The following ZNF438 variants were observed in gnomAD, a reference collection of about 807,000 sequenced individuals.
ZNF438 encodes zinc finger protein 438.
Under a neutral mutation model 38.0 loss-of-function variants are expected in ZNF438, and 25 were observed. The ratio of observed to expected loss-of-function variants is 0.66; its 90% confidence interval spans 0.48 to 0.92. The LOEUF (loss-of-function observed/expected upper bound fraction) is 0.92. Among genes scored for constraint, ZNF438 ranks in the 40% least tolerant of loss-of-function variants. The pLI, the probability that ZNF438 is intolerant of heterozygous loss-of-function variation, is 0.00. For missense variants in ZNF438, 1,007 were observed against 999.6 expected (o/e 1.01, Z -0.10); for synonymous variants, 372 against 364.1 (o/e 1.02, Z -0.25).
At chr10:30,943,323 G>T (rs2047018275) in intron 1 of ZNF438, among the ~76,000 whole-genome samples, 1 of 152,026 alleles carries the variant, frequency 6.6e-6, no homozygotes, top group Non-Finnish European at 1.5e-5. Flanking sequence ...TAAAGTTGAG[G>T]GAATTCAGAC....
intron 2 of ZNF438, among the ~76,000 whole-genome samples, chr10:30,916,730 T>C (rs1157934699): frequency 2.6e-5 from 4 of 152,124 alleles, no homozygotes; most frequent in East Asian, 1.9e-4. Flanking sequence ...CTCTTATTGA[T>C]GGATATCTGA....
chr10:31,015,692 G>A (rs1435376105), intron 1 of ZNF438, among the ~76,000 whole-genome samples: 2 of 152,176 alleles, frequency 1.3e-5, no homozygotes, highest in Non-Finnish European at 2.9e-5. Context: ...AAACTTGAAA[G>A]CAATCTAAAT....
intron 3 of ZNF438, among the ~76,000 whole-genome samples, chr10:30,878,148 A>G (rs970368264): frequency 2.6e-5 from 4 of 152,214 alleles, no homozygotes; most frequent in African/African-American, 9.6e-5. Flanking sequence ...CTGCTGCCCA[A>G]GGTGAGAACT....
intron 2 of ZNF438, among the ~76,000 whole-genome samples, chr10:30,923,083 C>G (rs1016910982): frequency 6.6e-6 from 1 of 152,120 alleles, no homozygotes; most frequent in Admixed American, 6.5e-5. Flanking sequence ...CAGTCCTTTG[C>G]TTTCTACAAA....
chr10:30,977,596 GC>G (rs2136342793), intron 1 of ZNF438, among the ~76,000 whole-genome samples: 1 of 152,280 alleles, frequency 6.6e-6, no homozygotes, highest in East Asian at 1.9e-4. Context: ...TAGTCACACA[GC>G]CACATGTTGC....
chr10:30,934,602 A>G (rs557358817), intron 2 of ZNF438, among the ~76,000 whole-genome samples: 3 of 152,388 alleles, frequency 2.0e-5, no homozygotes, highest in Admixed American at 1.3e-4. Flanking sequence ...ATTTTTGAAA[A>G]GCAGTTTTGT....
intron 1 of ZNF438, among the ~76,000 whole-genome samples, chr10:30,979,617 C>T (rs1259944307): frequency 6.6e-6 from 1 of 152,212 alleles, no homozygotes; most frequent in Non-Finnish European, 1.5e-5. Flanking sequence ...CATGCATCTA[C>T]AACCATCTGA....
In ZNF438 at chr10:30,882,830, T is replaced by C. The variant is rs573609064; in HGVS notation, c.-31-5765A>G. Among the ~76,000 whole-genome samples, 3 of 152,368 alleles carry C rather than the reference T, an allele frequency of 2.0e-5. No homozygotes were observed. In the East Asian group the frequency reaches 5.8e-4, roughly 29 times the overall value. Reference sequence around the variant, plus strand: ...TATATCAAAATTTATCTCATTGTACTTTAAATATATGCAATTGACTGTATG... The same window carrying C: ...TATATCAAAATTTATCTCATTGTACCTTAAATATATGCAATTGACTGTATG... On this transcript the variant is annotated intron_variant, in intron 3 of 5. Coordinates refer to ENST00000413025, the Ensembl canonical transcript of ZNF438.
chr10:30,995,354 T>C (rs192184191), intron 1 of ZNF438, among the ~76,000 whole-genome samples: 5 of 152,348 alleles, frequency 3.3e-5, no homozygotes, highest in Non-Finnish European at 7.3e-5. Flanking sequence ...TGGAATTAAA[T>C]ATTCAAAGTA....
chr10:30,857,757 C>T (rs1337768269), intron 4 of ZNF438: 11 of 1,453,226 alleles, frequency 7.6e-6, no homozygotes, highest in Non-Finnish European at 1.0e-5. Context: ...CCTCCTCCTC[C>T]ATTGCCATCA....
intron 2 of ZNF438, chr10:30,923,192 T>C (rs1055629438): frequency 1.3e-5 from 2 of 152,200 alleles, no homozygotes; most frequent in Non-Finnish European, 2.9e-5. Flanking sequence ...GCAAAGTTAA[T>C]AGGTGATGCA....
At chr10:30,935,978 T>C (rs2046212756) in intron 2 of ZNF438, among the ~76,000 whole-genome samples, 1 of 152,148 alleles carries the variant, frequency 6.6e-6, no homozygotes, top group Non-Finnish European at 1.5e-5. Context: ...AGCCAAACCA[T>C]ATCAGAGGGG....
exon 5 of ZNF438, chr10:30,850,218 T>A (rs772570316): frequency 6.2e-7 from 1 of 1,614,130 alleles, no homozygotes; most frequent in South Asian, 1.1e-5. Flanking sequence ...GGTCCCAGAT[T>A]CACCTGATCA....
In ZNF438 at chr10:30,849,774, GGGTGTTGGTCACT is replaced by G; in HGVS notation, c.618_630del (p.Val207MetfsTer4). ...GTAGCAGGAGGGTTCAGACTGCCAT[GGGTGTTGGTCACT>G]GGTGGTCTCAAGTCCCCATGGTCAC... On this transcript the variant is annotated frameshift_variant, in exon 5 of 6. Transcript: ENST00000413025. LOFTEE classifies it high-confidence loss of function. The G allele has an allele frequency of 6.2e-7, 1 of 1,614,216 alleles. No individual in the cohort carries two copies. Among genetic ancestry groups the G allele is most frequent in the Non-Finnish European group, 8.5e-7 (1 of 1,180,036 alleles).
At chr10:30,968,434 C>CT (rs546132410) in intron 1 of ZNF438, among the ~76,000 whole-genome samples, 2,041 of 103,640 alleles carry the variant, frequency 0.02, 194 homozygotes, top group African/African-American at 0.034. Flanking sequence ...TGAATGTAAA[C>CT]TTTTTTTTTT....
intron 1 of ZNF438, among the ~76,000 whole-genome samples, chr10:30,953,574 C>T (rs1589397240): frequency 6.6e-6 from 1 of 150,914 alleles, no homozygotes; most frequent in Non-Finnish European, 1.5e-5. Flanking sequence ...ATGTAAGAAT[C>T]AATTATACAT....
chr10:30,850,465 T>G (rs1306071877), intron 4 of ZNF438, 98 bp from the exon 6 acceptor site: 3 of 1,369,316 alleles, frequency 2.2e-6, no homozygotes, highest in Non-Finnish European at 2.9e-6. Flanking sequence ...CCAGAACAGA[T>G]TCCTTGACCT....
At chr10:30,906,572 T>G (rs1409204384) in intron 3 of ZNF438, among the ~76,000 whole-genome samples, 2 of 152,224 alleles carry the variant, frequency 1.3e-5, no homozygotes, top group Non-Finnish European at 2.9e-5. Context: ...TTTTCTTACC[T>G]AACTGTCCTG....
intron 1 of ZNF438, among the ~76,000 whole-genome samples, chr10:30,997,000 C>G (rs2054115967): frequency 6.6e-6 from 1 of 151,988 alleles, no homozygotes; most frequent in Non-Finnish European, 1.5e-5. Flanking sequence ...TTAGTGAGAA[C>G]TAAAACTCAA....
Sources: gnomAD v4.1 joint callset for allele counts (sites outside exome capture counted in the v4.1 genomes callset) on GRCh38, gnomAD v4.1.1 for gene constraint, MANE v1.5 for transcripts, NCBI Gene and HGNC (gene_info 2026-07-23, HGNC 2026-07-21) for gene names.